Variants in RBMS3 observed in about 807,000 individuals in gnomAD.
RBMS3 encodes RNA binding motif single stranded interacting protein 3, also known as RNA-binding motif, single-stranded-interacting protein 3.
RBMS3 carries 27 observed loss-of-function variants against 66.8 expected under a neutral mutation model. The observed-to-expected ratio is 0.40, with a 90% CI of 0.30 to 0.56. The LOEUF (loss-of-function observed/expected upper bound fraction) is 0.56, where lower values mean the gene tolerates loss of function less well. Among genes scored for constraint, RBMS3 ranks in the 20% least tolerant of loss-of-function variants. RBMS3 has a pLI of 0.40. For missense variants in RBMS3, 513 were observed against 549.5 expected (o/e 0.93, Z 0.66); for synonymous variants, 188 against 183.0 (o/e 1.03, Z -0.22).
intron 2 of RBMS3, among the ~76,000 whole-genome samples, chr3:29,439,181 G>T (rs955541846): frequency 6.6e-6 from 1 of 152,132 alleles, no homozygotes; most frequent in Non-Finnish European, 1.5e-5. Flanking sequence ...TAGAAAACAC[G>T]AAAGGACAAG....
chr3:29,369,079 T>C (rs116750407), intron 1 of RBMS3, among the ~76,000 whole-genome samples: 5,044 of 152,062 alleles, frequency 0.033, 319 homozygotes, highest in African/African-American at 0.12. Context: ...CCAAATACCA[T>C]ATGTTCTCAC....
rs538907247 is a variant in RBMS3, at chr3:29,527,181, TAAAAAAAA to T, written c.307+38704_307+38711del. Among the ~76,000 whole-genome samples the T allele has an allele frequency of 2.6e-4, 23 of 87,818 alleles. 1 individual carries two copies. Among genetic ancestry groups the T allele is most frequent in the African/African-American group, 6.2e-4 (13 of 21,072 alleles). The allele number at this position is 87,818 out of a possible 152,430, so 57.6% of individuals were successfully genotyped here. A position where few individuals can be genotyped will look rare whatever the true frequency, so the allele number is the denominator to read the frequency against. ...TTTCAGACGTGATTGTTAGGTAGAG[TAAAAAAAA>T]AAAAAAAAAAAAAAAAAAAAAGATG... On this transcript the variant is annotated intron_variant, in intron 3 of 14. Transcript: ENST00000383767.
At chr3:29,617,932 G>A (rs186695784) in intron 4 of RBMS3, among the ~76,000 whole-genome samples, 29 of 152,232 alleles carry the variant, frequency 1.9e-4, no homozygotes, top group South Asian at 4.1e-4. Flanking sequence ...TCATGGGAGC[G>A]TGTATGTATG....
chr3:29,606,149 T>C (rs2048315348), intron 4 of RBMS3, among the ~76,000 whole-genome samples: 1 of 151,856 alleles, frequency 6.6e-6, no homozygotes, highest in African/African-American at 2.4e-5. Context: ...TTAGGTTGCT[T>C]AATGATAAAT....
At chr3:29,679,519 G>A (rs1174777014) in intron 4 of RBMS3, among the ~76,000 whole-genome samples, 2 of 152,064 alleles carry the variant, frequency 1.3e-5, no homozygotes, top group Non-Finnish European at 2.9e-5. Context: ...GCTCATACCA[G>A]CCAAATGGAT....
intron 1 of RBMS3, among the ~76,000 whole-genome samples, chr3:29,344,180 G>A (rs1471533627): frequency 1.3e-5 from 2 of 151,834 alleles, no homozygotes; most frequent in African/African-American, 4.8e-5. Flanking sequence ...TTTCATTAAA[G>A]CAAAGAAACT....
At chr3:29,937,044 T>C (rs1351667090) in intron 11 of RBMS3, among the ~76,000 whole-genome samples, 1 of 152,054 alleles carries the variant, frequency 6.6e-6, no homozygotes, top group Non-Finnish European at 1.5e-5. Flanking sequence ...AATCTTGTCA[T>C]TTAACAAAAC....
chr3:29,564,708 T>G (rs1241136723), intron 3 of RBMS3, among the ~76,000 whole-genome samples: 1 of 152,112 alleles, frequency 6.6e-6, no homozygotes, highest in Non-Finnish European at 1.5e-5. Context: ...ACCAGAAGGT[T>G]TACACTACCT....
At chr3:29,476,733 T>G (rs532385669) in intron 2 of RBMS3, among the ~76,000 whole-genome samples, 1 of 152,246 alleles carries the variant, frequency 6.6e-6, no homozygotes, top group Non-Finnish European at 1.5e-5. Context: ...TTCTGCTTTT[T>G]CTATGTATGT....
intron 2 of RBMS3, among the ~76,000 whole-genome samples, chr3:29,477,387 G>A (rs1376608144): frequency 1.3e-5 from 2 of 152,040 alleles, no homozygotes; most frequent in Non-Finnish European, 2.9e-5. Flanking sequence ...GTAATATATG[G>A]TATCCACTAA....
At chr3:29,879,726 T>G (rs1017759442) in intron 7 of RBMS3, among the ~76,000 whole-genome samples, 3 of 152,238 alleles carry the variant, frequency 2.0e-5, no homozygotes, top group Non-Finnish European at 4.4e-5. Context: ...TGTATCAGTT[T>G]GTATAAATTT....
At chr3:29,662,200 A>G (rs1184582886) in intron 4 of RBMS3, among the ~76,000 whole-genome samples, 2 of 152,208 alleles carry the variant, frequency 1.3e-5, no homozygotes, top group African/African-American at 4.8e-5. Flanking sequence ...TGATGCATGT[A>G]TAAATATACA....
chr3:29,890,402 T>A (rs2059972899), intron 8 of RBMS3, among the ~76,000 whole-genome samples: 1 of 151,586 alleles, frequency 6.6e-6, no homozygotes, highest in African/African-American at 2.4e-5. Context: ...CCGTCAAATA[T>A]AACTCAGAGA....
At chr3:29,656,681 T>A (rs1055129537) in intron 4 of RBMS3, among the ~76,000 whole-genome samples, 2 of 152,120 alleles carry the variant, frequency 1.3e-5, no homozygotes, top group Non-Finnish European at 1.5e-5. Context: ...CCTAAGGTTC[T>A]GTGTAGATAC....
chr3:29,319,483 T>A (rs1388554767), intron 1 of RBMS3, among the ~76,000 whole-genome samples: 1 of 151,984 alleles, frequency 6.6e-6, no homozygotes, highest in African/African-American at 2.4e-5. Flanking sequence ...TAGAAAAAGA[T>A]GCAGAAATGC....
intron 1 of RBMS3, among the ~76,000 whole-genome samples, chr3:29,349,068 C>G (rs1022909767): frequency 6.6e-6 from 1 of 152,146 alleles, no homozygotes; most frequent in African/African-American, 2.4e-5. Flanking sequence ...TTTGTATATT[C>G]TTACCAGGTC....
In RBMS3 at chr3:29,937,600, G is replaced by A. The variant is rs77343924; in HGVS notation, c.1050+1404G>A. Among the ~76,000 whole-genome samples, 695 of 152,062 alleles carry A rather than the reference G, an allele frequency of 4.6e-3. 3 individuals carry two copies. The highest frequency in any genetic ancestry group is 0.016 in the African/African-American group (660 of 41,542). On this transcript the variant is annotated intron_variant, in intron 11 of 14. Coordinates refer to ENST00000383767, the MANE Select transcript of RBMS3 (RefSeq NM_001003793.3). ...AGTGCCTATCACTAAGATCTCAGTT[G>A]CAGAACCTGTAAAAAGCAGTCGATG...
intron 4 of RBMS3, among the ~76,000 whole-genome samples, chr3:29,706,079 G>A (rs565744608): frequency 8.5e-5 from 13 of 152,206 alleles, no homozygotes; most frequent in Middle Eastern, 3.4e-3. Context: ...CCTGCTGAAG[G>A]CTTCCAGTCT....
At chr3:29,322,014 A>C (rs2035036976) in intron 1 of RBMS3, among the ~76,000 whole-genome samples, 1 of 152,212 alleles carries the variant, frequency 6.6e-6, no homozygotes, top group Admixed American at 6.5e-5. Flanking sequence ...GTACAAGAAT[A>C]CGTGATAAAA....
Sources: gnomAD v4.1 joint callset for allele counts (sites outside exome capture counted in the v4.1 genomes callset) on GRCh38, gnomAD v4.1.1 for gene constraint, MANE v1.5 for transcripts, NCBI Gene and HGNC (gene_info 2026-07-23, HGNC 2026-07-21) for gene names.